Variants in BLTP1 observed in about 807,000 individuals in gnomAD.
BLTP1 encodes the protein bridge-like lipid transfer protein family member 1.
chr4:122,227,916 A>AT, the BLTP1 span, among the ~76,000 whole-genome samples: 640 of 136,438 alleles, frequency 4.7e-3, no homozygotes, highest in Non-Finnish European at 5.9e-3. Flanking sequence ...TTGCATTAAA[A>AT]TTTTTTTTTT....
At chr4:122,195,783 T>A in the BLTP1 span, 1 of 356,848 alleles carries the variant, frequency 2.8e-6, no homozygotes, top group Non-Finnish European at 3.9e-6. Context: ...TATTTTAATT[T>A]AACGGTAGCA....
At chr4:122,239,742 G>A in the BLTP1 span, 8 of 1,614,044 alleles carry the variant, frequency 5.0e-6, no homozygotes, top group Non-Finnish European at 6.8e-6. Flanking sequence ...GAATGTACTA[G>A]ACTCACCAAA....
the BLTP1 span, chr4:122,179,898 CAG>C: frequency 8.1e-6 from 8 of 985,122 alleles, no homozygotes; most frequent in Non-Finnish European, 8.4e-6. Context: ...CACATACAGA[CAG>C]GGGTACCATT....
chr4:122,317,782 CA>C, the BLTP1 span, among the ~76,000 whole-genome samples: 14 of 152,126 alleles, frequency 9.2e-5, no homozygotes, highest in East Asian at 1.9e-4. Context: ...GTTTTGGTCT[CA>C]GGGGAAAAAA....
chr4:122,185,164 G>T, the BLTP1 span: 1 of 983,428 alleles, frequency 1.0e-6, no homozygotes. Context: ...ATTACTAGGT[G>T]AAAAGAAAGG....
the BLTP1 span, chr4:122,359,881 C>G: frequency 2.0e-6 from 2 of 985,336 alleles, no homozygotes. Flanking sequence ...CTGCTTCTTT[C>G]TGTATTTGTT....
chr4:122,286,567 C>T, the BLTP1 span: 1 of 1,614,032 alleles, frequency 6.2e-7, no homozygotes, highest in Admixed American at 1.7e-5. Flanking sequence ...TACATTTGAG[C>T]TGCCAAATCA....
the BLTP1 span, among the ~76,000 whole-genome samples, chr4:122,177,278 T>C: frequency 6.6e-6 from 1 of 152,192 alleles, no homozygotes; most frequent in South Asian, 2.1e-4. Context: ...TCTTGTCAGC[T>C]TTCCTTTCAT....
chr4:122,344,709 G>A, the BLTP1 span: 2 of 1,222,514 alleles, frequency 1.6e-6, no homozygotes, highest in Non-Finnish European at 2.2e-6. Context: ...CCAGCCTACG[G>A]TACTGTGTCA....
chr4:122,250,335 A>C, the BLTP1 span: 4 of 1,568,956 alleles, frequency 2.5e-6, no homozygotes, highest in Admixed American at 6.7e-5. Context: ...CACCATTTAT[A>C]ATAAATGCTT....
chr4:122,193,056 C>A, the BLTP1 span, among the ~76,000 whole-genome samples: 1 of 152,100 alleles, frequency 6.6e-6, no homozygotes, highest in Non-Finnish European at 1.5e-5. Context: ...CCAGTATCTT[C>A]ATGTGGTCTT....
chr4:122,345,849 G>A, the BLTP1 span: 1 of 161,484 alleles, frequency 6.2e-6, no homozygotes, highest in Non-Finnish European at 1.3e-5. Context: ...GTTCAAGAGA[G>A]ATAGAAGAGA....
the BLTP1 span, chr4:122,348,502 T>A: frequency 2.2e-5 from 30 of 1,379,944 alleles, no homozygotes; most frequent in Non-Finnish European, 2.8e-5. Flanking sequence ...ATAAAAATAG[T>A]TTTTGCTTTG....
the BLTP1 span, among the ~76,000 whole-genome samples, chr4:122,350,903 T>G: frequency 6.6e-6 from 1 of 152,170 alleles, no homozygotes; most frequent in Non-Finnish European, 1.5e-5. Context: ...AGAGGTCTAC[T>G]ACAGGTAAGA....
chr4:122,224,832 A>G, the BLTP1 span: 30 of 1,538,776 alleles, frequency 1.9e-5, no homozygotes, highest in Non-Finnish European at 2.5e-5. Context: ...AATTTTAGTT[A>G]TAGGTGAATC....
the BLTP1 span, among the ~76,000 whole-genome samples, chr4:122,195,101 A>G: frequency 6.6e-6 from 1 of 152,168 alleles, no homozygotes; most frequent in Non-Finnish European, 1.5e-5. Context: ...CTTAGCAGCC[A>G]TCTATTAACA....
chr4:122,220,981 A>G, the BLTP1 span: 26 of 502,676 alleles, frequency 5.2e-5, no homozygotes, highest in African/African-American at 2.1e-5. Flanking sequence ...TTGAAAATGT[A>G]TTACATTTCT....
the BLTP1 span, chr4:122,276,789 T>C: frequency 1.0e-6 from 1 of 970,534 alleles, no homozygotes; most frequent in South Asian, 4.8e-5. Context: ...AAGAAAAAAG[T>C]GTATTTCTCT....
the BLTP1 span, chr4:122,312,605 T>C: frequency 6.7e-6 from 1 of 149,490 alleles, no homozygotes; most frequent in Non-Finnish European, 1.5e-5. Flanking sequence ...AATTTGTATG[T>C]GAGACACAGG....
Sources: allele counts gnomAD v4.1 joint callset (sites outside exome capture counted in the v4.1 genomes callset), GRCh38; gene constraint gnomAD v4.1.1; transcripts MANE v1.5; gene names NCBI Gene and HGNC (gene_info 2026-07-23, HGNC 2026-07-21).